The following PNCK variants were observed in gnomAD, a reference collection of about 807,000 sequenced individuals.
PNCK encodes pregnancy up-regulated nonubiquitous CaM kinase, also known as calcium/calmodulin-dependent protein kinase type 1B.
PNCK carries 21 observed loss-of-function variants against 28.3 expected under a neutral mutation model. The ratio of observed to expected loss-of-function variants is 0.74; its 90% CI spans 0.53 to 1.07. The LOEUF is 1.07. PNCK is among the 50% of genes least tolerant of loss of function. The pLI is 0.00. For synonymous variants in PNCK, 136 were observed against 125.2 expected, an observed-to-expected ratio of 1.09 and a Z score of -0.58; for missense variants, 250 against 298.3, an observed-to-expected ratio of 0.84 and a Z score of 1.19.
At chrX:153,677,738 AGT>A (rs1292798463), upstream of PNCK, among the ~76,000 whole-genome samples, 1 of 81,162 alleles carries the variant, frequency 1.2e-5, no homozygotes, top group Admixed American at 1.2e-4. Flanking sequence ...GTGTATATAT[AGT>A]GTGTATATAT....
At chrX:153,677,042 C>A (rs782160474), upstream of PNCK, among the ~76,000 whole-genome samples, 3 of 111,241 alleles carry the variant, frequency 2.7e-5, no homozygotes, top group Non-Finnish European at 5.7e-5. Context: ...TGGGCTCAAG[C>A]GATTCTCCCA....
chrX:153,673,875 C>G, upstream of PNCK: 1 of 832,317 alleles, frequency 1.2e-6, no homozygotes, highest in Non-Finnish European at 1.5e-6. Context: ...CGCACGCCCC[C>G]GCCAGCCGCC....
At chrX:153,680,577 G>A (rs1215640971) in intron 1 of PNCK, among the ~76,000 whole-genome samples, 1 of 110,054 alleles carries the variant, frequency 9.1e-6, no homozygotes, top group Non-Finnish European at 1.9e-5. Flanking sequence ...ATGCAAGAAC[G>A]GGCTCACATA....
In PNCK at chrX:153,681,255, G is replaced by A. The variant is rs1054863498; in HGVS notation, c.-3+6176C>T. ...CACAGAACAAAACATTACTTGTGTA[G>A]ATACTGCCCCTCCAGGAGGTGGCCC... On this transcript the variant is annotated intron_variant, in intron 1 of 3. Transcript: ENST00000419804. 1.3e-4 allele frequency among the ~76,000 whole-genome samples: 15 copies of A among 111,638 alleles called. No homozygotes were observed. In the Middle Eastern group the frequency reaches 0.018, roughly 137 times the overall value.
chrX:153,684,831 C>A (rs1386114045), intron 1 of PNCK, among the ~76,000 whole-genome samples: 70 of 88,279 alleles, frequency 7.9e-4, no homozygotes, highest in Non-Finnish European at 1.5e-3. Flanking sequence ...CCTGCCCTCC[C>A]CCCAGCTCCC....
chrX:153,679,546 T>TTTTTCTTTTC (rs202177998), upstream of PNCK, among the ~76,000 whole-genome samples: 13 of 95,771 alleles, frequency 1.4e-4, no homozygotes, highest in African/African-American at 5.4e-4. Flanking sequence ...TGAGTTGGGA[T>TTTTTCTTTTC]TTTTCTTTTC....
At chrX:153,672,534 T>C in intron 3 of PNCK, 32 bp downstream of exon 3, 1 of 1,195,121 alleles carries the variant, frequency 8.4e-7, no homozygotes, top group Non-Finnish European at 1.1e-6. Context: ...CATCGACCTA[T>C]GCCCCGTCCC....
At chrX:153,671,445 C>G in intron 6 of PNCK, 85 bp from the exon 7 acceptor site, 1 of 1,211,719 alleles carries the variant, frequency 8.3e-7, no homozygotes, top group Non-Finnish European at 1.1e-6. Context: ...TACTCAAGCC[C>G]AGGAATGGCC....
At chrX:153,682,038 G>A (rs2091397609) in intron 1 of PNCK, among the ~76,000 whole-genome samples, 1 of 111,975 alleles carries the variant, frequency 8.9e-6, no homozygotes, top group Admixed American at 9.4e-5. Context: ...ACCCAGGCTG[G>A]AGTGCAGTGG....
chrX:153,684,011 G>A lies in PNCK; in HGVS notation c.-3+3420C>T, dbSNP rs1198451120. Among the ~76,000 whole-genome samples the A allele has an allele frequency of 2.7e-5, 3 of 112,642 alleles. No individual in the cohort carries two copies. The East Asian group carries it at 8.3e-4, about 31-fold the overall frequency. On this transcript the variant is annotated intron_variant, in intron 1 of 3. Transcript: ENST00000419804. The stretch of plus-strand genomic sequence containing the variant: ...GGTCATCATGAATGCTTCCATGTTA[G>A]CAGAATTCAGGCCCCTCTCATCCTC...
intron 1 of PNCK, chrX:153,673,571 A>G: frequency 3.1e-6 from 1 of 321,448 alleles, no homozygotes. Flanking sequence ...ACGCGGCCGC[A>G]GACGCAGCCC....
At chrX:153,671,430 C>T (rs373918058) in intron 6 of PNCK, 70 bp from the exon 7 acceptor site, 5 of 1,211,629 alleles carry the variant, frequency 4.1e-6, no homozygotes, top group Admixed American at 2.2e-5. Flanking sequence ...GTCACTGGCT[C>T]GGCCTACTCA....
chrX:153,672,312 C>G (rs1264644694), intron 3 of PNCK, 112 bp from the exon 4 acceptor site: 1 of 904,905 alleles, frequency 1.1e-6, no homozygotes, highest in East Asian at 3.3e-5. Context: ...GCTCCCCATT[C>G]CCTACCACAT....
At chrX:153,670,682 C>T (rs1178967944) in intron 10 of PNCK, 62 bp downstream of exon 10, 16 of 1,187,570 alleles carry the variant, frequency 1.3e-5, no homozygotes, top group African/African-American at 3.5e-5. Flanking sequence ...TGGGCAGCCA[C>T]GGCGATCAGG....
In PNCK at chrX:153,669,876, C is replaced by A. The variant is rs1350505404; in HGVS notation, c.*262G>T. The A allele has an allele frequency of 8.8e-6, 3 of 340,704 alleles. No homozygotes were observed. Among genetic ancestry groups the A allele is most frequent in the Admixed American group, 3.1e-5 (1 of 32,226 alleles). The allele number at this position is 340,704 out of a possible 1,213,427, so 28.1% of individuals were successfully genotyped here. On this transcript the variant is annotated 3_prime_UTR_variant, in exon 12 of 12. Coordinates refer to ENST00000340888, the MANE Select transcript of PNCK (RefSeq NM_001366977.1). ...AGCCCCTGAGGCCCGCCTGCCAGCA[C>A]CCCCTCGGCTTTTGGCGGGGCGGGG... is the stretch of plus-strand genomic sequence containing the variant.
chrX:153,679,673 G>C (rs1278592115), upstream of PNCK, among the ~76,000 whole-genome samples: 4 of 101,301 alleles, frequency 3.9e-5, no homozygotes, highest in African/African-American at 1.5e-4. Context: ...CTGAGTTCAA[G>C]CGATTCTCCT....
chrX:153,681,587 A>C (rs1346512442), intron 1 of PNCK, among the ~76,000 whole-genome samples: 3 of 111,693 alleles, frequency 2.7e-5, no homozygotes, highest in African/African-American at 9.8e-5. Flanking sequence ...CACAGCCAAG[A>C]GGAGCCTCAG....
rs147245837 is a variant in PNCK, at chrX:153,671,960, C to T, written c.334G>A (p.Asp112Asn). The T allele has an allele frequency of 6.5e-5, 78 of 1,209,301 alleles. No individual in the cohort carries two copies. Among genetic ancestry groups the T allele is most frequent in the Non-Finnish European group, 8.4e-5 (75 of 895,165 alleles). The part of the protein sequence containing the change: ...IMERGSYTEK[D>N]ASHLVGQVLG... Reference sequence around the variant, plus strand: ...ACCTGACCCACCAGATGGCTGGCATCCTTCTCTGTGTAGGAGCCGCGCTCC... The same window carrying T: ...ACCTGACCCACCAGATGGCTGGCATTCTTCTCTGTGTAGGAGCCGCGCTCC... The change falls in exon 5 of 12, where the codon GAT becomes AAT. Residue 112 changes from aspartate to asparagine, a missense_variant. Coordinates refer to ENST00000340888, the MANE Select transcript of PNCK (RefSeq NM_001366977.1).
chrX:153,674,406 C>T (rs1436349649), upstream of PNCK: 5 of 334,623 alleles, frequency 1.5e-5, no homozygotes, highest in African/African-American at 1.3e-4. Context: ...GCCCTGGCCC[C>T]TCCTCCTCCA....
Sources: gnomAD v4.1 joint callset for allele counts (sites outside exome capture counted in the v4.1 genomes callset) on GRCh38, gnomAD v4.1.1 for gene constraint, MANE v1.5 for transcripts, NCBI Gene and HGNC (gene_info 2026-07-23, HGNC 2026-07-21) for gene names.